The following SULF1 variants were observed in gnomAD, a reference collection of about 807,000 sequenced individuals.
SULF1 encodes extracellular sulfatase Sulf-1.
SULF1 carries 46 observed loss-of-function variants against 110.5 expected under a neutral mutation model. The ratio of observed to expected loss-of-function variants is 0.42; its 90% CI spans 0.33 to 0.53. The LOEUF is 0.53. SULF1 is among the 20% of genes least tolerant of loss of function. The probability of loss-of-function intolerance (pLI) is 0.12; values close to 1 mark genes in which losing one functional copy is unlikely to be tolerated. For synonymous variants in SULF1, 371 were observed against 387.1 expected (o/e 0.96, Z 0.49); for missense variants, 941 against 1,094.2 (o/e 0.86, Z 1.98).
chr8:69,561,366 A>T (rs886666200), intron 3 of SULF1, among the ~76,000 whole-genome samples: 1 of 152,240 alleles, frequency 6.6e-6, no homozygotes, highest in Non-Finnish European at 1.5e-5. Context: ...TTCATTTCAT[A>T]GGAAAAAACC....
chr8:69,633,024 A>G (rs1810703238), intron 19 of SULF1, among the ~76,000 whole-genome samples: 1 of 145,470 alleles, frequency 6.9e-6, no homozygotes, highest in Non-Finnish European at 1.5e-5. Context: ...TGTCAGAAGA[A>G]AAAAAAAAAA....
intron 3 of SULF1, among the ~76,000 whole-genome samples, chr8:69,505,946 A>G (rs1248130658): frequency 6.6e-6 from 1 of 151,606 alleles, no homozygotes; most frequent in African/African-American, 2.4e-5. Context: ...TCTTTTCTTT[A>G]TAAGTATATA....
At chr8:69,581,853 G>A (rs1806089604) in intron 6 of SULF1, among the ~76,000 whole-genome samples, 1 of 152,150 alleles carries the variant, frequency 6.6e-6, no homozygotes, top group Non-Finnish European at 1.5e-5. Flanking sequence ...AGCAACTGGA[G>A]GCCAACAGTG....
At chr8:69,570,565 A>G (rs958097634) in intron 5 of SULF1, among the ~76,000 whole-genome samples, 1 of 152,204 alleles carries the variant, frequency 6.6e-6, no homozygotes, top group African/African-American at 2.4e-5. Flanking sequence ...ATCATTCTGT[A>G]TGAAATGATT....
Position 69,659,299 on chromosome 8 carries a change from T to G in SULF1, c.*764T>G, listed in dbSNP as rs1290631465. 3 of 418,968 alleles carry G rather than the reference T, an allele frequency of 7.2e-6. No homozygotes were observed. The highest frequency in any genetic ancestry group is 1.4e-5 in the Non-Finnish European group (3 of 211,676). 26.0% of individuals were successfully genotyped at this position (418,968 alleles called of 1,614,324 possible). On this transcript the variant is annotated 3_prime_UTR_variant, in exon 23 of 23. Coordinates refer to ENST00000402687, the MANE Select transcript of SULF1 (RefSeq NM_001128205.2). ...GTCACAGCACCTAGAAGGCAGCGCC[T>G]CCTCTTCACTCTCCTCTGATTAGAT... is the stretch of plus-strand genomic sequence containing the variant.
rs182034888 is a variant in SULF1, at chr8:69,597,697, A to G, written c.735-2906A>G. 8.5e-5 allele frequency: 13 copies of G among 152,256 alleles called. No homozygotes were observed. In the South Asian group the frequency reaches 2.3e-3, roughly 27 times the overall value. 9.4% of individuals were successfully genotyped at this position (152,256 alleles called of 1,614,324 possible). ...CTGTGAGCCTGCATTTCAGTTCCCT[A>G]TTGTAATTTTTATTTGTGTTGAGGT... On this transcript the variant is annotated intron_variant, in intron 8 of 22. Transcript: ENST00000402687.
In SULF1 at chr8:69,624,003, T is replaced by A. The variant is rs1406944996; in HGVS notation, c.1656T>A (p.Gly552=). 6.2e-7 allele frequency: 1 copy of A among 1,614,160 alleles called. No homozygotes were observed. Among genetic ancestry groups the A allele is most frequent in the Admixed American group, 1.7e-5 (1 of 60,022 alleles). The change falls in exon 15 of 23, where the codon GGT becomes GGA. Residue 552 remains glycine, a synonymous_variant. Coordinates refer to ENST00000402687, the MANE Select transcript of SULF1 (RefSeq NM_001128205.2). The part of the protein sequence containing the change: ...QTRSLSVEFE[G]EIYDINLEEE... The stretch of plus-strand genomic sequence containing the variant: ...GTTCCTTGTCCGTCGAATTTGAAGG[T>A]GAAATATATGACATAAATCTGGAAG...
rs563062751 is a variant in SULF1 at position 69,531,021 on chromosome 8, T to C, written c.-134+29053T>C. Among the ~76,000 whole-genome samples, 11 of 152,286 alleles carry C rather than the reference T, an allele frequency of 7.2e-5. No homozygotes were observed. In the South Asian group the frequency reaches 2.3e-3, roughly 32 times the overall value. ...CGATGGCATGAGGTGGGAGGCATGATGATTATCCCATTTTACAAAAGAGAA... is the reference window on the plus strand; with the variant it reads ...CGATGGCATGAGGTGGGAGGCATGACGATTATCCCATTTTACAAAAGAGAA... On this transcript the variant is annotated intron_variant, in intron 3 of 22. Transcript: ENST00000402687.
chr8:69,560,004 G>A (rs192166168), intron 3 of SULF1, among the ~76,000 whole-genome samples: 2 of 152,296 alleles, frequency 1.3e-5, no homozygotes, highest in African/African-American at 2.4e-5. Flanking sequence ...CTGTAGAAAT[G>A]TCAGCGCAGT....
At chr8:69,630,967 C>G (rs58102292) in intron 19 of SULF1, among the ~76,000 whole-genome samples, 1 of 151,556 alleles carries the variant, frequency 6.6e-6, no homozygotes, top group African/African-American at 2.4e-5. Flanking sequence ...ATCCCTCCCC[C>G]CTGCCCCCAC....
intron 1 of SULF1, among the ~76,000 whole-genome samples, chr8:69,476,071 TAA>T (rs1280827009): frequency 1.3e-5 from 2 of 152,186 alleles, no homozygotes; most frequent in African/African-American, 4.8e-5. Context: ...ACATGAAATT[TAA>T]AAAGTCTAGA....
chr8:69,573,458 G>A (rs1343926919), intron 5 of SULF1, among the ~76,000 whole-genome samples: 1 of 152,172 alleles, frequency 6.6e-6, no homozygotes, highest in Non-Finnish European at 1.5e-5. Flanking sequence ...AGAGATTACA[G>A]TGCTGCGATT....
chr8:69,515,476 G>T (rs536155845), intron 3 of SULF1, among the ~76,000 whole-genome samples: 158 of 152,214 alleles, frequency 1.0e-3, no homozygotes, highest in African/African-American at 3.6e-3. Context: ...TTTCCTCCTA[G>T]GTCTCCAGGC....
At chr8:69,533,121 A>G (rs920279546) in intron 3 of SULF1, among the ~76,000 whole-genome samples, 4 of 152,222 alleles carry the variant, frequency 2.6e-5, no homozygotes, top group African/African-American at 9.6e-5. Flanking sequence ...AATCCAGCTT[A>G]CCGATACCTA....
intron 8 of SULF1, chr8:69,592,921 A>T (rs1028550799): frequency 2.0e-6 from 2 of 987,394 alleles, no homozygotes; most frequent in Admixed American, 1.2e-4. Flanking sequence ...TTCCAATGGA[A>T]CAGACAGGGT....
chr8:69,629,374 C>G (rs1372490023), intron 18 of SULF1, 130 bp from the exon 19 acceptor site: 2 of 952,606 alleles, frequency 2.1e-6, no homozygotes, highest in African/African-American at 3.3e-5. Flanking sequence ...TCCCTCTATA[C>G]AAAATGAAGG....
chr8:69,621,319 A>G, intron 14 of SULF1, 68 bp downstream of exon 14: 1 of 1,178,646 alleles, frequency 8.5e-7, no homozygotes, highest in Non-Finnish European at 1.2e-6. Flanking sequence ...TAGAGAGACG[A>G]AAGGGTTGCT....
intron 22 of SULF1, among the ~76,000 whole-genome samples, chr8:69,645,847 A>G (rs1349016059): frequency 2.0e-5 from 3 of 152,176 alleles, no homozygotes; most frequent in Admixed American, 6.5e-5. Flanking sequence ...TATCTTCCAA[A>G]CAGGGATGTT....
intron 3 of SULF1, among the ~76,000 whole-genome samples, chr8:69,511,504 C>T (rs1431223411): frequency 6.6e-6 from 1 of 152,210 alleles, no homozygotes; most frequent in Non-Finnish European, 1.5e-5. Flanking sequence ...GCATGCTGAG[C>T]TTCACGAAAG....
Sources: allele counts gnomAD v4.1 joint callset (sites outside exome capture counted in the v4.1 genomes callset), GRCh38; gene constraint gnomAD v4.1.1; transcripts MANE v1.5; gene names NCBI Gene and HGNC (gene_info 2026-07-23, HGNC 2026-07-21).